Variants in CD300LF observed in about 807,000 individuals in gnomAD.
The protein encoded by CD300LF is CMRF35-like molecule 1.
In CD300LF, 27 loss-of-function variants were observed where a neutral mutation model predicts 32.2. The observed-to-expected ratio is 0.84, with a 90% CI of 0.62 to 1.15. The LOEUF is 1.15. Ranked by LOEUF, CD300LF falls within the 50% of genes most tolerant of loss-of-function variation. CD300LF has a pLI of 0.00. For synonymous variants in CD300LF, 139 were observed against 143.2 expected (o/e 0.97, Z 0.21); for missense variants, 348 against 356.8 (o/e 0.98, Z 0.20).
At chr17:74,709,453 A>G (rs577445518) in intron 1 of CD300LF, among the ~76,000 whole-genome samples, 2 of 152,340 alleles carry the variant, frequency 1.3e-5, no homozygotes, top group East Asian at 3.9e-4. Context: ...ATTCATATGT[A>G]CTTTATAATA....
At chr17:74,708,461 C>T (rs1402234918) in intron 1 of CD300LF, among the ~76,000 whole-genome samples, 1 of 152,060 alleles carries the variant, frequency 6.6e-6, no homozygotes, top group Non-Finnish European at 1.5e-5. Flanking sequence ...CTGACAAGGG[C>T]AAAGCAAGAA....
chr17:74,701,001 A>G (rs1172250724), intron 3 of CD300LF, among the ~76,000 whole-genome samples: 4 of 152,134 alleles, frequency 2.6e-5, no homozygotes, highest in Non-Finnish European at 5.9e-5. Context: ...CCACGTGAAC[A>G]CATAGGAAAA....
chr17:74,711,913 T>C (rs1206561531), intron 1 of CD300LF, among the ~76,000 whole-genome samples: 1 of 149,192 alleles, frequency 6.7e-6, no homozygotes, highest in Non-Finnish European at 1.5e-5. Context: ...TTTCTTTTTT[T>C]TTTTTTTTTG....
chr17:74,709,871 C>T (rs1194051474), intron 1 of CD300LF, among the ~76,000 whole-genome samples: 1 of 151,984 alleles, frequency 6.6e-6, no homozygotes, highest in African/African-American at 2.4e-5. Context: ...TCATGCATCA[C>T]CAGCCAAATT....
rs529297228 is a variant in CD300LF, at chr17:74,708,910, C to G, written c.43+3914G>C. On this transcript the variant is annotated intron_variant, in intron 1 of 6. Transcript: ENST00000326165. Reference sequence around the variant, plus strand: ...CAGCCTGGGCGACAGAGCAAGACTCCGTCTCAAAAAAAAAAAGGAAAATCA... The same window carrying G: ...CAGCCTGGGCGACAGAGCAAGACTCGGTCTCAAAAAAAAAAAGGAAAATCA... 1.1e-4 allele frequency among the ~76,000 whole-genome samples: 16 copies of G among 141,972 alleles called. No individual in the cohort carries two copies. In the Admixed American group the frequency reaches 1.1e-3, roughly 10 times the overall value. 93.1% of individuals were successfully genotyped at this position (141,972 alleles called of 152,430 possible).
chr17:74,699,695 C>T (rs2032858215), intron 3 of CD300LF, among the ~76,000 whole-genome samples: 1 of 152,144 alleles, frequency 6.6e-6, no homozygotes, highest in Admixed American at 6.5e-5. Context: ...AATTCCTGGC[C>T]TCCTTAGCTG....
At position 74,704,712 on chromosome 17, in the gene CD300LF, A is replaced by G. The variant is rs1328550882; in HGVS notation, c.148T>C (p.Leu50=). ...ATAGCTCCTCGACACCACCACTTCA[A>G]GTAGGTCTCCCAGCCTGATCTGTAA... The part of the protein sequence containing the change: ...CVYRSGWETY[L]KWWCRGAIWR... The change falls in exon 2 of 7, where the codon TTG becomes CTG. Residue 50 remains leucine (L), a synonymous_variant. Transcript: ENST00000326165. 1 of 1,614,032 alleles carries G rather than the reference A, an allele frequency of 6.2e-7. No homozygotes were observed. The highest frequency in any genetic ancestry group is 1.7e-5 in the Admixed American group (1 of 60,000).
intron 1 of CD300LF, among the ~76,000 whole-genome samples, chr17:74,708,874 C>T (rs959655356): frequency 6.6e-6 from 1 of 150,780 alleles, no homozygotes; most frequent in African/African-American, 2.4e-5. Context: ...CGAGATCGCG[C>T]CACTGCACTC....
At chr17:74,699,375 G>A (rs900897263) in intron 3 of CD300LF, among the ~76,000 whole-genome samples, 6 of 151,974 alleles carry the variant, frequency 3.9e-5, no homozygotes, top group African/African-American at 7.3e-5. Flanking sequence ...TCTTCCCCTC[G>A]AATTCACATC....
At chr17:74,698,297 A>T in intron 4 of CD300LF, 72 bp downstream of exon 4, 1 of 1,037,086 alleles carries the variant, frequency 9.6e-7, no homozygotes. Context: ...CCCTTGGACC[A>T]GATAGCTCCC....
At chr17:74,703,188 G>A in intron 2 of CD300LF, 90 bp from the exon 3 acceptor site, 2 of 1,496,596 alleles carry the variant, frequency 1.3e-6, no homozygotes, top group South Asian at 2.3e-5. Context: ...AGATGCCCCT[G>A]CCCATGAGCC....
intron 1 of CD300LF, among the ~76,000 whole-genome samples, chr17:74,705,779 G>C (rs957826503): frequency 1.3e-5 from 2 of 152,050 alleles, no homozygotes; most frequent in Non-Finnish European, 2.9e-5. Flanking sequence ...AGTTTTAGTA[G>C]AAACAGGATT....
chr17:74,701,873 G>A (rs1190258150), intron 3 of CD300LF, among the ~76,000 whole-genome samples: 1 of 148,132 alleles, frequency 6.8e-6, no homozygotes, highest in Non-Finnish European at 1.5e-5. Context: ...AAAACAATTA[G>A]CTGGGTGTGG....
chr17:74,711,754 G>C (rs963423638), intron 1 of CD300LF, among the ~76,000 whole-genome samples: 1 of 152,038 alleles, frequency 6.6e-6, no homozygotes, highest in Admixed American at 6.6e-5. Context: ...TCTTCAGGGG[G>C]GTTGTTTCAG....
At chr17:74,697,189 C>A (rs2032569202) in intron 4 of CD300LF, among the ~76,000 whole-genome samples, 1 of 152,142 alleles carries the variant, frequency 6.6e-6, no homozygotes, top group South Asian at 2.1e-4. Flanking sequence ...AGTGATCCAC[C>A]CGCCTCAACC....
chr17:74,703,034 C>A lies in CD300LF; in HGVS notation c.446+1G>T, dbSNP rs2033202215. 1.2e-6 allele frequency: 2 copies of A among 1,612,188 alleles called. No homozygotes were observed. Among genetic ancestry groups the A allele is most frequent in the South Asian group, 2.2e-5 (2 of 91,040 alleles). Reference sequence around the variant, plus strand: ...CCACAGTGGAACCAGAGCTGGCTTACCTGTTGTCCAAGTGGTGGCCGGTCA... The same window carrying A: ...CCACAGTGGAACCAGAGCTGGCTTAACTGTTGTCCAAGTGGTGGCCGGTCA... On this transcript the variant is annotated splice_donor_variant, in intron 3 of 6. Coordinates refer to ENST00000326165, the MANE Select transcript of CD300LF (RefSeq NM_139018.5). LOFTEE classifies it high-confidence loss of function.
At chr17:74,704,407 T>G in intron 2 of CD300LF, 71 bp downstream of exon 2, 1 of 1,109,882 alleles carries the variant, frequency 9.0e-7, no homozygotes, top group South Asian at 1.5e-5. Flanking sequence ...ATTAAATCAC[T>G]TGAGTAGGAC....
At chr17:74,711,117 G>A (rs565252294) in intron 1 of CD300LF, among the ~76,000 whole-genome samples, 106 of 152,184 alleles carry the variant, frequency 7.0e-4, no homozygotes, top group African/African-American at 2.4e-3. Flanking sequence ...GTTTTAAAAC[G>A]ATAAATTATT....
intron 6 of CD300LF, 108 bp downstream of exon 6, chr17:74,695,617 C>T (rs1474585351): frequency 6.6e-7 from 1 of 1,507,378 alleles, no homozygotes; most frequent in East Asian, 2.3e-5. Flanking sequence ...CCACACCTGC[C>T]TCCTCTATGC....
Sources: allele counts gnomAD v4.1 joint callset (sites outside exome capture counted in the v4.1 genomes callset), GRCh38; gene constraint gnomAD v4.1.1; transcripts MANE v1.5; gene names NCBI Gene and HGNC (gene_info 2026-07-23, HGNC 2026-07-21).